ZNF345: variants seen among roughly 807,000 people sequenced by gnomAD.
ZNF345 encodes zinc finger protein HZF10.
For missense variants in ZNF345, 527 were observed against 589.9 expected, an observed-to-expected ratio of 0.89 and a Z score of 1.10; for synonymous variants, 166 against 187.9, an observed-to-expected ratio of 0.88 and a Z score of 0.95.
chr19:36,877,720 G>A lies in ZNF345; in HGVS notation c.890G>A (p.Ser297Asn). The stretch of plus-strand genomic sequence containing the variant: ...AAGGAATGTGGGAAGGCTTTTAATA[G>A]TGGCTCAGATCTCACTCAGCATCAG... ...VCKECGKAFN[S>N]GSDLTQHQRI... The change falls in exon 3 of 3, where the codon AGT becomes AAT. Residue 297 changes from serine to asparagine, a missense_variant. Coordinates refer to ENST00000420450, the MANE Select transcript of ZNF345 (RefSeq NM_001242472.2). The A allele has an allele frequency of 1.2e-6, 2 of 1,614,068 alleles. No individual in the cohort carries two copies. The highest frequency in any genetic ancestry group is 1.3e-5 in the African/African-American group (1 of 75,018).
chr19:36,875,987 A>G (rs980295428), intron 2 of ZNF345, among the ~76,000 whole-genome samples: 3 of 152,176 alleles, frequency 2.0e-5, no homozygotes, highest in Admixed American at 6.5e-5. Flanking sequence ...ATATTTATAT[A>G]TCTTCATCTT....
rs868269878 is a variant in ZNF345 at position 36,893,010 on chromosome 19, G to T, written c.*11G>T. On this transcript the variant is annotated 3_prime_UTR_variant, in exon 4 of 4. Transcript: ENST00000526123. ...CGTGAGATATTCTAATTATATACAC[G>T]TTCATAAACATATGCTCACATGCAC... 1.7e-5 allele frequency: 7 copies of T among 407,898 alleles called. No homozygotes were observed. The Middle Eastern group carries it at 2.1e-3, about 122-fold the overall frequency. 25.3% of individuals were successfully genotyped at this position (407,898 alleles called of 1,614,324 possible).
downstream of ZNF345, among the ~76,000 whole-genome samples, chr19:36,882,579 A>T (rs2072975489): frequency 6.6e-6 from 1 of 152,146 alleles, no homozygotes; most frequent in South Asian, 2.1e-4. Flanking sequence ...ATAGTTTTTT[A>T]AAAATTAACT....
intron 3 of ZNF345, chr19:36,890,698 A>T (rs1173631575): frequency 6.6e-6 from 1 of 151,044 alleles, no homozygotes; most frequent in African/African-American, 2.4e-5. Flanking sequence ...AAAAAAAAAA[A>T]AAAAAAAATT....
chr19:36,877,851 C>G lies in ZNF345; in HGVS notation c.1021C>G (p.Pro341Ala). ...QHQRMHTGEK[P>A]YECKECGKTF... ...TCAAAGAATGCATACTGGAGAGAAA[C>G]CTTATGAATGTAAGGAATGTGGGAA... The change falls in exon 3 of 3, where the codon CCT (proline) becomes GCT (alanine). Residue 341 changes from proline to alanine, a missense_variant. Transcript: ENST00000420450. 1.9e-6 allele frequency: 3 copies of G among 1,613,800 alleles called. No individual in the cohort carries two copies. The highest frequency in any genetic ancestry group is 2.5e-6 in the Non-Finnish European group (3 of 1,179,948).
chr19:36,876,806 CAAG>C lies in ZNF345; in HGVS notation c.-22_-20del. On this transcript the variant is annotated 5_prime_UTR_variant, in exon 3 of 3. Transcript: ENST00000420450. ...TCAGACTATGAATCAAAGTTGAGACCAAGAAATTATTTCTGAAAAAGGATATGG... is the reference window on the plus strand; with the variant it reads ...TCAGACTATGAATCAAAGTTGAGACCAAATTATTTCTGAAAAAGGATATGG... 1 of 1,548,752 alleles carries C rather than the reference CAAG, an allele frequency of 6.5e-7. No individual in the cohort carries two copies. Among genetic ancestry groups the C allele is most frequent in the South Asian group, 1.3e-5 (1 of 78,634 alleles).
chr19:36,889,136 G>T (rs1454411481), intron 3 of ZNF345: 2 of 152,132 alleles, frequency 1.3e-5, no homozygotes, highest in Non-Finnish European at 2.9e-5. Context: ...TACACCCCAG[G>T]AATAAAATCC....
chr19:36,891,444 A>T (rs2073050380), intron 3 of ZNF345: 3 of 1,493,510 alleles, frequency 2.0e-6, no homozygotes, highest in Middle Eastern at 1.8e-4. Flanking sequence ...TACCTGTTTT[A>T]AAAAAATTAT....
intron 2 of ZNF345, among the ~76,000 whole-genome samples, chr19:36,852,705 C>T (rs2072310919): frequency 6.6e-6 from 1 of 151,944 alleles, no homozygotes. Flanking sequence ...CTTATGCCAG[C>T]AGTTTACAAG....
chr19:36,872,777 G>A (rs1568357555), intron 2 of ZNF345: 1 of 152,100 alleles, frequency 6.6e-6, no homozygotes, highest in African/African-American at 2.4e-5. Flanking sequence ...TATTAAACAG[G>A]TATATATTTT....
At chr19:36,893,156 C>G (rs1222012657), downstream of ZNF345, 1 of 394,482 alleles carries the variant, frequency 2.5e-6, no homozygotes, top group Non-Finnish European at 4.5e-6. Flanking sequence ...AGTTCAGTGA[C>G]TGTGCAATGG....
intron 2 of ZNF345, among the ~76,000 whole-genome samples, chr19:36,868,866 C>T (rs1272997271): frequency 2.6e-5 from 4 of 152,062 alleles, no homozygotes; most frequent in East Asian, 1.9e-4. Context: ...CCTCGTGATC[C>T]ACCCGCCTCA....
chr19:36,881,314 G>A (rs940464173), downstream of ZNF345, among the ~76,000 whole-genome samples: 6 of 152,034 alleles, frequency 3.9e-5, no homozygotes, highest in African/African-American at 1.2e-4. Flanking sequence ...AAACACTTCT[G>A]GTCCCAAGCA....
Position 36,890,643 on chromosome 19 carries a change from C to T in ZNF345, c.47-2175C>T, listed in dbSNP as rs1237641659. The T allele has an allele frequency of 2.0e-5, 3 of 149,372 alleles. No homozygotes were observed. In the East Asian group the frequency reaches 5.9e-4, roughly 30 times the overall value. The allele number at this position is 149,372 out of a possible 1,614,324, so 9.3% of individuals were successfully genotyped here. On this transcript the variant is annotated intron_variant, in intron 3 of 3. Coordinates refer to the ZNF345 transcript ENST00000526123. The stretch of plus-strand genomic sequence containing the variant: ...ATCACTTGAAGTCAGGAGTTCAAGA[C>T]CAGCCTGGCCAACATGGTGAAACCC...
At chr19:36,892,750 A>T in intron 3 of ZNF345, 1 of 507,260 alleles carries the variant, frequency 2.0e-6, no homozygotes. Context: ...CACAGTGTTC[A>T]GCACCATCCT....
At chr19:36,860,477 G>A (rs1361332522) in intron 2 of ZNF345, among the ~76,000 whole-genome samples, 1 of 152,050 alleles carries the variant, frequency 6.6e-6, no homozygotes, top group Non-Finnish European at 1.5e-5. Flanking sequence ...TACTAATTAT[G>A]TCTCTCTAGT....
rs1005052508 is a variant in ZNF345 at position 36,852,334 on chromosome 19, T to C, written c.-47+430T>C. The stretch of plus-strand genomic sequence containing the variant: ...TAGTGATTAAATTGCTGATAGTGGC[T>C]GGATGCAGTGGCTCATGCCTGTAAT... On this transcript the variant is annotated intron_variant, in intron 2 of 2. Coordinates refer to ENST00000420450, the MANE Select transcript of ZNF345 (RefSeq NM_001242472.2). Among the ~76,000 whole-genome samples the C allele has an allele frequency of 2.0e-5, 3 of 152,140 alleles. No homozygotes were observed. The East Asian group carries it at 5.8e-4, about 29-fold the overall frequency.
At chr19:36,872,947 G>A (rs932859981) in intron 2 of ZNF345, among the ~76,000 whole-genome samples, 3 of 152,034 alleles carry the variant, frequency 2.0e-5, no homozygotes, top group African/African-American at 2.4e-5. Context: ...AGGTTCCTCC[G>A]TTTCTTCTAG....
chr19:36,885,258 CTAA>C (rs1186506594), intron 3 of ZNF345, among the ~76,000 whole-genome samples: 3 of 151,234 alleles, frequency 2.0e-5, no homozygotes, highest in African/African-American at 7.3e-5. Flanking sequence ...CTTCCAATGA[CTAA>C]TAATGTTGAA....
Sources: allele counts gnomAD v4.1 joint callset (sites outside exome capture counted in the v4.1 genomes callset), GRCh38; gene constraint gnomAD v4.1.1; transcripts MANE v1.5; gene names NCBI Gene and HGNC (gene_info 2026-07-23, HGNC 2026-07-21).